Variants in XKR4 observed in about 807,000 individuals in gnomAD.
XKR4 encodes the protein XK related 4.
In XKR4, 12 loss-of-function variants were observed where a neutral mutation model predicts 53.9. The ratio of observed to expected loss-of-function variants is 0.22; its 90% confidence interval spans 0.14 to 0.36. The LOEUF (loss-of-function observed/expected upper bound fraction) is 0.36, where lower values mean the gene tolerates loss of function less well. Ranked by LOEUF, XKR4 falls within the 10% of genes least tolerant of loss-of-function variation. The pLI, the probability that XKR4 is intolerant of heterozygous loss-of-function variation, is 1.00. For missense variants in XKR4, 799 were observed against 859.5 expected, an observed-to-expected ratio of 0.93 and a Z score of 0.88; for synonymous variants, 354 against 362.4, an observed-to-expected ratio of 0.98 and a Z score of 0.26.
intron 2 of XKR4, among the ~76,000 whole-genome samples, chr8:55,488,484 T>C (rs143824036): frequency 1.1e-4 from 16 of 152,228 alleles, no homozygotes; most frequent in Admixed American, 9.8e-4. Flanking sequence ...ATCCAGACAA[T>C]AGAATATTAT....
chr8:55,379,961 A>G (rs906326876), intron 2 of XKR4, among the ~76,000 whole-genome samples: 1 of 152,248 alleles, frequency 6.6e-6, no homozygotes, highest in African/African-American at 2.4e-5. Context: ...AACACTTCTT[A>G]TAGCTTATTA....
intron 1 of XKR4, among the ~76,000 whole-genome samples, chr8:55,319,258 T>C (rs2129379220): frequency 6.6e-6 from 1 of 152,356 alleles, no homozygotes; most frequent in Non-Finnish European, 1.5e-5. Context: ...GATCTACAAG[T>C]TGTGACTTGA....
At chr8:55,473,932 A>G (rs1048122576) in intron 2 of XKR4, among the ~76,000 whole-genome samples, 5 of 140,290 alleles carry the variant, frequency 3.6e-5, no homozygotes, top group Non-Finnish European at 7.5e-5. Context: ...TTTCAATGAG[A>G]TATTGTTCTG....
At chr8:55,348,551 T>C (rs577787009) in intron 1 of XKR4, among the ~76,000 whole-genome samples, 62 of 152,218 alleles carry the variant, frequency 4.1e-4, no homozygotes, top group Non-Finnish European at 8.4e-4. Flanking sequence ...GCCATCCTCC[T>C]CTCCCCAGTG....
intron 1 of XKR4, among the ~76,000 whole-genome samples, chr8:55,325,998 A>T (rs1389241934): frequency 6.6e-6 from 1 of 152,248 alleles, no homozygotes; most frequent in Non-Finnish European, 1.5e-5. Flanking sequence ...AATAGAGATA[A>T]GGATGAAGTA....
chr8:55,224,993 G>A (rs938272945), intron 1 of XKR4, among the ~76,000 whole-genome samples: 9 of 152,120 alleles, frequency 5.9e-5, no homozygotes, highest in African/African-American at 1.9e-4. Flanking sequence ...TTGGGTATAT[G>A]GCATTGTGAA....
chr8:55,338,107 G>A (rs1023672522), intron 1 of XKR4, among the ~76,000 whole-genome samples: 1 of 152,188 alleles, frequency 6.6e-6, no homozygotes, highest in African/African-American at 2.4e-5. Context: ...CAGGCATTGT[G>A]AAAAGGGAAG....
chr8:55,423,253 G>A lies in XKR4; in HGVS notation c.1006+65376G>A, dbSNP rs559426748. On this transcript the variant is annotated intron_variant, in intron 2 of 2. Transcript: ENST00000327381. ...TAGGATTACAGGCGCCTGCCACCAAGCCCAGCTAATTTTTGTGTTTTAGTA... is the reference window on the plus strand; with the variant it reads ...TAGGATTACAGGCGCCTGCCACCAAACCCAGCTAATTTTTGTGTTTTAGTA... Among the ~76,000 whole-genome samples the A allele has an allele frequency of 1.2e-3, 177 of 152,196 alleles. 1 individual carries two copies. Among genetic ancestry groups the A allele is most frequent in the African/African-American group, 3.9e-3 (160 of 41,528 alleles).
At chr8:55,217,925 A>G (rs1476108147) in intron 1 of XKR4, among the ~76,000 whole-genome samples, 1 of 152,234 alleles carries the variant, frequency 6.6e-6, no homozygotes, top group African/African-American at 2.4e-5. Flanking sequence ...ACTTTGTTCT[A>G]TCCAGTACTT....
At chr8:55,394,158 C>A (rs1372279463) in intron 2 of XKR4, among the ~76,000 whole-genome samples, 1 of 152,178 alleles carries the variant, frequency 6.6e-6, no homozygotes, top group Non-Finnish European at 1.5e-5. Context: ...GAAAACCAAA[C>A]CAATTTTTAC....
Position 55,539,303 on chromosome 8 carries a change from C to T in XKR4, c.*15076C>T, listed in dbSNP as rs539407639. 6.6e-6 allele frequency: 1 copy of T among 152,196 alleles called. No homozygotes were observed. Among genetic ancestry groups the T allele is most frequent in the African/African-American group, 2.4e-5 (1 of 41,506 alleles). 9.4% of individuals were successfully genotyped at this position (152,196 alleles called of 1,614,324 possible). A position where few individuals can be genotyped will look rare whatever the true frequency, so the allele number is the denominator to read the frequency against. ...GTTGTACATCAATATTATCATTGTGCCCTTATTTAAGGATTATATTCCATT... is the reference window on the plus strand; with the variant it reads ...GTTGTACATCAATATTATCATTGTGTCCTTATTTAAGGATTATATTCCATT... On this transcript the variant is annotated 3_prime_UTR_variant, in exon 3 of 3. Transcript: ENST00000327381.
intron 1 of XKR4, among the ~76,000 whole-genome samples, chr8:55,260,748 C>T (rs1203798062): frequency 6.6e-6 from 1 of 152,088 alleles, no homozygotes; most frequent in African/African-American, 2.4e-5. Flanking sequence ...GCCACCCCAC[C>T]CTAATTTTAT....
intron 2 of XKR4, among the ~76,000 whole-genome samples, chr8:55,463,524 G>A (rs1291640545): frequency 1.5e-4 from 23 of 151,712 alleles, no homozygotes; most frequent in Admixed American, 1.2e-3. Flanking sequence ...GAGAAAGTAG[G>A]AAAGATCGAA....
chr8:55,512,810 C>A (rs569033615), intron 2 of XKR4, among the ~76,000 whole-genome samples: 2 of 152,148 alleles, frequency 1.3e-5, no homozygotes, highest in South Asian at 4.2e-4. Flanking sequence ...AGTGTGTTCT[C>A]TCTGGGGTCT....
In XKR4 at chr8:55,524,458, A is replaced by C; in HGVS notation, c.*231A>C. 1.8e-6 allele frequency: 1 copy of C among 554,550 alleles called. No homozygotes were observed. Among genetic ancestry groups the C allele is most frequent in the Non-Finnish European group, 3.2e-6 (1 of 313,940 alleles). The allele number at this position is 554,550 out of a possible 1,614,324, so 34.4% of individuals were successfully genotyped here. ...GAAAGAATGACGCTGGCTTAATAGG[A>C]CTCTCCATTGCTACCAAACTCCTCC... On this transcript the variant is annotated 3_prime_UTR_variant, in exon 3 of 3. Transcript: ENST00000327381.
In XKR4 at chr8:55,528,734, A is replaced by G. The variant is rs983379992; in HGVS notation, c.*4507A>G. The G allele has an allele frequency of 3.9e-5, 6 of 152,300 alleles. No individual in the cohort carries two copies. The East Asian group carries it at 9.6e-4, about 24-fold the overall frequency. The allele number at this position is 152,300 out of a possible 1,614,324, so 9.4% of individuals were successfully genotyped here. A position where few individuals can be genotyped will look rare whatever the true frequency, so the allele number is the denominator to read the frequency against. On this transcript the variant is annotated 3_prime_UTR_variant, in exon 3 of 3. Coordinates refer to ENST00000327381, the MANE Select transcript of XKR4 (RefSeq NM_052898.2). ...ATAATTTCAGTGACAGATGCAGATC[A>G]ACGTTCCTTTGTCTCGGCAATCCAA...
Position 55,323,815 on chromosome 8 carries a change from A to T in XKR4, c.807-33863A>T, listed in dbSNP as rs76606825. Among the ~76,000 whole-genome samples, 1,058 of 152,136 alleles carry T rather than the reference A, an allele frequency of 7.0e-3. 17 individuals are homozygous for T. Among genetic ancestry groups the T allele is most frequent in the African/African-American group, 0.023 (966 of 41,498 alleles). On this transcript the variant is annotated intron_variant, in intron 1 of 2. Coordinates refer to ENST00000327381, the MANE Select transcript of XKR4 (RefSeq NM_052898.2). ...GTCTTTTTTTGTCTTTGTTCTTCACATTGGATCATTTCTATTGATCTGTCT... is the reference window on the plus strand; with the variant it reads ...GTCTTTTTTTGTCTTTGTTCTTCACTTTGGATCATTTCTATTGATCTGTCT...
At chr8:55,154,706 C>A (rs551007689) in intron 1 of XKR4, among the ~76,000 whole-genome samples, 1 of 152,108 alleles carries the variant, frequency 6.6e-6, no homozygotes, top group Non-Finnish European at 1.5e-5. Flanking sequence ...TTATCACAAC[C>A]CTGCACTTTA....
At chr8:55,285,536 G>C (rs1409433341) in intron 1 of XKR4, among the ~76,000 whole-genome samples, 19 of 152,140 alleles carry the variant, frequency 1.2e-4, no homozygotes, top group Non-Finnish European at 2.1e-4. Context: ...GGAAAGCACA[G>C]AGAATAGGTG....
Sources: allele counts gnomAD v4.1 joint callset (sites outside exome capture counted in the v4.1 genomes callset), GRCh38; gene constraint gnomAD v4.1.1; transcripts MANE v1.5; gene names NCBI Gene and HGNC (gene_info 2026-07-23, HGNC 2026-07-21).